The following FMNL3 variants were observed in gnomAD, a reference collection of about 807,000 sequenced individuals.
FMNL3 encodes the protein formin-like protein 3.
Under a neutral mutation model 119.6 loss-of-function variants are expected in FMNL3, and 57 were observed. That is an observed-to-expected ratio of 0.48 (90% CI 0.39 to 0.59). The LOEUF is 0.59. Among genes scored for constraint, FMNL3 ranks in the 20% least tolerant of loss-of-function variants. The pLI is 0.00. For missense variants in FMNL3, 1,053 were observed against 1,323.5 expected (o/e 0.80, Z 3.17); for synonymous variants, 491 against 507.3 (o/e 0.97, Z 0.43).
At chr12:49,651,791 C>T in intron 14 of FMNL3, 142 bp downstream of exon 14, 1 of 1,399,150 alleles carries the variant, frequency 7.1e-7, no homozygotes, top group Non-Finnish European at 9.5e-7. Context: ...TTCCAGGCCT[C>T]CCTCACCCTG....
chr12:49,637,650 T>C lies in FMNL3; in HGVS notation c.*8165A>G. The C allele has an allele frequency of 6.4e-7, 1 of 1,563,534 alleles. No homozygotes were observed. Among genetic ancestry groups the C allele is most frequent in the Admixed American group, 1.7e-5 (1 of 59,090 alleles). On this transcript the variant is annotated 3_prime_UTR_variant, in exon 26 of 26. Coordinates refer to ENST00000335154, the MANE Select transcript of FMNL3 (RefSeq NM_175736.5). ...GCCCTGCCAGCCTCTCTGCACCCCC[T>C]ACTACCGGCTCCTGTCCTCGGCCCA...
At chr12:49,656,368 A>AAC (rs139157446) in intron 9 of FMNL3, 36 bp downstream of exon 9, 790 of 1,472,236 alleles carry the variant, frequency 5.4e-4, no homozygotes, top group Middle Eastern at 9.8e-4. Flanking sequence ...CTCCCCCGCA[A>AAC]ACACACACAC....
chr12:49,670,335 C>T (rs1944010808), intron 1 of FMNL3, among the ~76,000 whole-genome samples: 2 of 152,202 alleles, frequency 1.3e-5, no homozygotes, highest in Non-Finnish European at 2.9e-5. Context: ...AAACATAACT[C>T]AGATATACTC....
chr12:49,676,733 T>C (rs1184095535), intron 1 of FMNL3, among the ~76,000 whole-genome samples: 2 of 152,104 alleles, frequency 1.3e-5, no homozygotes, highest in African/African-American at 4.8e-5. Flanking sequence ...CCTTTAACTT[T>C]TTACCACTGT....
intron 1 of FMNL3, among the ~76,000 whole-genome samples, chr12:49,686,905 G>A (rs1944477789): frequency 6.6e-6 from 1 of 152,134 alleles, no homozygotes; most frequent in Non-Finnish European, 1.5e-5. Flanking sequence ...CTAGGAGCCA[G>A]TTGGACCCCC....
At chr12:49,671,349 T>A (rs555883866) in intron 1 of FMNL3, among the ~76,000 whole-genome samples, 2 of 152,364 alleles carry the variant, frequency 1.3e-5, no homozygotes, top group East Asian at 3.9e-4. Context: ...ATGAAGTAGG[T>A]CTGACCATAG....
At chr12:49,669,450 C>T (rs1453798624) in intron 1 of FMNL3, among the ~76,000 whole-genome samples, 1 of 152,164 alleles carries the variant, frequency 6.6e-6, no homozygotes, top group Non-Finnish European at 1.5e-5. Context: ...TGCTAGGAGG[C>T]TACGTTCCCT....
intron 1 of FMNL3, among the ~76,000 whole-genome samples, chr12:49,699,207 C>G (rs1944836231): frequency 6.6e-6 from 1 of 152,158 alleles, no homozygotes; most frequent in Non-Finnish European, 1.5e-5. Flanking sequence ...ACGCTGACTT[C>G]AGGCAGCCAA....
chr12:49,662,168 A>G (rs1207611187), intron 4 of FMNL3, 119 bp from the exon 5 acceptor site: 11 of 916,796 alleles, frequency 1.2e-5, no homozygotes, highest in Non-Finnish European at 1.9e-5. Flanking sequence ...GGCTAAGAAA[A>G]TTCTGAAGAT....
chr12:49,696,286 C>A (rs1207208907), intron 1 of FMNL3, among the ~76,000 whole-genome samples: 1 of 152,054 alleles, frequency 6.6e-6, no homozygotes, highest in African/African-American at 2.4e-5. Context: ...GGTTCCAGGA[C>A]CAGACCAAAT....
intron 1 of FMNL3, among the ~76,000 whole-genome samples, chr12:49,695,972 C>A (rs559498580): frequency 1.3e-5 from 2 of 152,276 alleles, no homozygotes; most frequent in South Asian, 4.1e-4. Context: ...CTGCTTTAGG[C>A]AGGTAGTACC....
intron 5 of FMNL3, 43 bp from the exon 6 acceptor site, chr12:49,658,637 C>T: frequency 6.5e-7 from 1 of 1,536,536 alleles, no homozygotes; most frequent in African/African-American, 1.4e-5. Flanking sequence ...CAGGCACATA[C>T]ACAGGAGAAA....
At chr12:49,676,619 A>C (rs1944198426) in intron 1 of FMNL3, among the ~76,000 whole-genome samples, 1 of 145,106 alleles carries the variant, frequency 6.9e-6, no homozygotes. Context: ...TCCTTCTTTG[A>C]ATCATGTGCA....
At chr12:49,646,367 T>C (rs1943186762) in intron 25 of FMNL3, among the ~76,000 whole-genome samples, 1 of 152,190 alleles carries the variant, frequency 6.6e-6, no homozygotes, top group South Asian at 2.1e-4. Context: ...TGCTCTGGCC[T>C]GTTCTCAACA....
At chr12:49,705,869 G>A (rs1364599775) in intron 1 of FMNL3, among the ~76,000 whole-genome samples, 1 of 152,138 alleles carries the variant, frequency 6.6e-6, no homozygotes, top group East Asian at 1.9e-4. Context: ...CTCTACCATC[G>A]GAGAGGCCAA....
rs1421175206 is a variant in FMNL3 at position 49,645,013 on chromosome 12, A to G, written c.*802T>C. On this transcript the variant is annotated 3_prime_UTR_variant, in exon 26 of 26. Coordinates refer to ENST00000335154, the MANE Select transcript of FMNL3 (RefSeq NM_175736.5). ...AGGAAAGGGAGGTGGTACATGTACA[A>G]AAAAGTGGGCCCCCACATTCCCTTC... 2.0e-5 allele frequency: 3 copies of G among 151,740 alleles called. No individual in the cohort carries two copies. The highest frequency in any genetic ancestry group is 4.4e-5 in the Non-Finnish European group (3 of 67,952). 9.4% of individuals were successfully genotyped at this position (151,740 alleles called of 1,614,324 possible). A position where few individuals can be genotyped will look rare whatever the true frequency, so the allele number is the denominator to read the frequency against.
chr12:49,651,000 C>T, intron 16 of FMNL3, 122 bp from the exon 17 acceptor site: 1 of 1,475,102 alleles, frequency 6.8e-7, no homozygotes, highest in East Asian at 2.3e-5. Flanking sequence ...AATACAAACA[C>T]AAAGTGTTGA....
chr12:49,637,646 C>A lies in FMNL3; in HGVS notation c.*8169G>T. ...TCCTGCCCTGCCAGCCTCTCTGCAC[C>A]CCCTACTACCGGCTCCTGTCCTCGG... is the stretch of plus-strand genomic sequence containing the variant. On this transcript the variant is annotated 3_prime_UTR_variant, in exon 26 of 26. Transcript: ENST00000335154. 6.4e-7 allele frequency: 1 copy of A among 1,568,280 alleles called. No individual in the cohort carries two copies. The highest frequency in any genetic ancestry group is 8.8e-7 in the Non-Finnish European group (1 of 1,141,972).
chr12:49,672,163 T>G (rs2138888823), intron 1 of FMNL3, among the ~76,000 whole-genome samples: 1 of 152,320 alleles, frequency 6.6e-6, no homozygotes, highest in East Asian at 1.9e-4. Context: ...TCTCTCTCTC[T>G]GCCTCCATCC....
Sources: allele counts gnomAD v4.1 joint callset (sites outside exome capture counted in the v4.1 genomes callset), GRCh38; gene constraint gnomAD v4.1.1; transcripts MANE v1.5; gene names NCBI Gene and HGNC (gene_info 2026-07-23, HGNC 2026-07-21).